NR3C2: variants seen among roughly 807,000 people sequenced by gnomAD.
The protein encoded by NR3C2 is mineralocorticoid receptor.
NR3C2 carries 15 observed loss-of-function variants against 86.4 expected under a neutral mutation model. The observed-to-expected ratio is 0.17, with a 90% CI of 0.12 to 0.27. The LOEUF is 0.27. Among genes scored for constraint, NR3C2 ranks in the 10% least tolerant of loss-of-function variants. The pLI, the probability that NR3C2 is intolerant of heterozygous loss-of-function variation, is 1.00. For synonymous variants in NR3C2, 458 were observed against 450.5 expected (o/e 1.02, Z -0.21); for missense variants, 960 against 1,195.6 (o/e 0.80, Z 2.91).
At position 148,334,399 on chromosome 4, in the gene NR3C2, C is replaced by T. The variant is rs545272385; in HGVS notation, c.1758-74282G>A. Among the ~76,000 whole-genome samples the T allele has an allele frequency of 5.9e-5, 9 of 152,238 alleles. No homozygotes were observed. The East Asian group carries it at 1.5e-3, about 26-fold the overall frequency. Reference sequence around the variant, plus strand: ...CTCTTCTAAAATTACAAAAATTAGCCAGGTGTGGTGGCACTTGCCTGTAAT... The same window carrying T: ...CTCTTCTAAAATTACAAAAATTAGCTAGGTGTGGTGGCACTTGCCTGTAAT... On this transcript the variant is annotated intron_variant, in intron 2 of 8. Transcript: ENST00000358102.
chr4:148,230,426 G>T (rs1168952217), intron 3 of NR3C2, among the ~76,000 whole-genome samples: 1 of 152,078 alleles, frequency 6.6e-6, no homozygotes, highest in Non-Finnish European at 1.5e-5. Context: ...TGAACTCCTG[G>T]CCTCAAGTCG....
chr4:148,150,902 G>A (rs541955783), intron 6 of NR3C2, among the ~76,000 whole-genome samples: 7 of 152,244 alleles, frequency 4.6e-5, no homozygotes, highest in African/African-American at 9.6e-5. Flanking sequence ...TAAGCAAAAT[G>A]AGCCAGGCAC....
At chr4:148,353,677 T>A (rs559154787) in intron 2 of NR3C2, among the ~76,000 whole-genome samples, 58 of 152,150 alleles carry the variant, frequency 3.8e-4, no homozygotes, top group Non-Finnish European at 4.7e-4. Flanking sequence ...TTAAGACAAA[T>A]GCATATTGTT....
At chr4:148,325,395 T>G (rs537829008) in intron 2 of NR3C2, among the ~76,000 whole-genome samples, 1 of 152,314 alleles carries the variant, frequency 6.6e-6, no homozygotes, top group Non-Finnish European at 1.5e-5. Context: ...TGTATGTGTG[T>G]TTTAACTTCT....
intron 3 of NR3C2, among the ~76,000 whole-genome samples, chr4:148,202,604 T>C (rs1045214652): frequency 6.6e-6 from 1 of 152,242 alleles, no homozygotes; most frequent in African/African-American, 2.4e-5. Context: ...AGCCACTCCT[T>C]TGTTTTATAA....
At chr4:148,196,024 G>A (rs1736425393) in intron 3 of NR3C2, among the ~76,000 whole-genome samples, 1 of 152,110 alleles carries the variant, frequency 6.6e-6, no homozygotes. Context: ...TGACTGCAGT[G>A]GACTAAGGAC....
At chr4:148,118,288 A>C (rs4835486) in intron 7 of NR3C2, among the ~76,000 whole-genome samples, 79,677 of 151,988 alleles carry the variant, frequency 0.52, 21,071 homozygotes, top group East Asian at 0.71. Context: ...TGGCACCTGC[A>C]CGATGCCTAA....
At chr4:148,351,972 G>A (rs993386) in intron 2 of NR3C2, among the ~76,000 whole-genome samples, 149,713 of 152,266 alleles carry the variant, frequency 0.98, 73,645 homozygotes, top group East Asian at 1. Flanking sequence ...GAAAAAGTAG[G>A]TAGATTAATG....
At chr4:148,152,343 A>T in intron 6 of NR3C2, 126 bp downstream of exon 6, 1 of 1,020,374 alleles carries the variant, frequency 9.8e-7, no homozygotes, top group Non-Finnish European at 1.5e-6. Flanking sequence ...GTAAATTTTT[A>T]ACGTTAAAAA....
chr4:148,263,779 C>T (rs1010529946), intron 2 of NR3C2, among the ~76,000 whole-genome samples: 4 of 152,152 alleles, frequency 2.6e-5, no homozygotes, highest in Non-Finnish European at 5.9e-5. Context: ...CACTGGAAAC[C>T]CTGTCCATCA....
chr4:148,341,520 A>G (rs1351539729), intron 2 of NR3C2, among the ~76,000 whole-genome samples: 1 of 152,140 alleles, frequency 6.6e-6, no homozygotes, highest in East Asian at 1.9e-4. Flanking sequence ...GATAAAAGGA[A>G]TAAGACCTAG....
chr4:148,123,696 T>C (rs563446845), intron 6 of NR3C2, among the ~76,000 whole-genome samples: 3 of 152,356 alleles, frequency 2.0e-5, no homozygotes, highest in Non-Finnish European at 4.4e-5. Flanking sequence ...ATTGAAATAC[T>C]GGGGGCGGGT....
intron 3 of NR3C2, among the ~76,000 whole-genome samples, chr4:148,229,514 A>G (rs571164005): frequency 3.3e-5 from 5 of 152,160 alleles, no homozygotes; most frequent in Non-Finnish European, 7.4e-5. Context: ...TGGAACTGGA[A>G]AGGGTACTGG....
chr4:148,129,548 A>G (rs1732919271), intron 6 of NR3C2, among the ~76,000 whole-genome samples: 1 of 152,228 alleles, frequency 6.6e-6, no homozygotes, highest in African/African-American at 2.4e-5. Flanking sequence ...TGAAAATTAG[A>G]AAAACAAGAA....
At chr4:148,439,309 C>A (rs1003055484) in intron 1 of NR3C2, among the ~76,000 whole-genome samples, 2 of 152,160 alleles carry the variant, frequency 1.3e-5, no homozygotes, top group African/African-American at 4.8e-5. Flanking sequence ...TGGTTCAGAT[C>A]CAAATCCATT....
At chr4:148,222,594 A>G (rs1367259454) in intron 3 of NR3C2, among the ~76,000 whole-genome samples, 1 of 152,250 alleles carries the variant, frequency 6.6e-6, no homozygotes, top group Non-Finnish European at 1.5e-5. Context: ...ATTATTAACA[A>G]CTGAATTGCT....
intron 4 of NR3C2, among the ~76,000 whole-genome samples, chr4:148,192,465 A>T (rs1736241877): frequency 6.6e-6 from 1 of 152,226 alleles, no homozygotes; most frequent in South Asian, 2.1e-4. Flanking sequence ...GCCTCCTGCC[A>T]GGAAGTGGCA....
At chr4:148,356,630 C>A (rs997683049) in intron 2 of NR3C2, among the ~76,000 whole-genome samples, 1 of 152,116 alleles carries the variant, frequency 6.6e-6, no homozygotes, top group Non-Finnish European at 1.5e-5. Flanking sequence ...TTTTCACAAT[C>A]AAAAAGACAG....
intron 2 of NR3C2, among the ~76,000 whole-genome samples, chr4:148,371,594 A>C (rs1437553142): frequency 6.6e-6 from 1 of 151,774 alleles, no homozygotes; most frequent in East Asian, 1.9e-4. Flanking sequence ...ATCCCTTTAA[A>C]TGTAGTGTCT....
Sources: allele counts gnomAD v4.1 joint callset (sites outside exome capture counted in the v4.1 genomes callset), GRCh38; gene constraint gnomAD v4.1.1; transcripts MANE v1.5; gene names NCBI Gene and HGNC (gene_info 2026-07-23, HGNC 2026-07-21).